Variants in GPATCH2L observed in about 807,000 individuals in gnomAD.
The protein encoded by GPATCH2L is G-patch domain containing 2 like.
Under a neutral mutation model 57.4 loss-of-function variants are expected in GPATCH2L, and 31 were observed. That is an observed-to-expected ratio of 0.54 (90% CI 0.41 to 0.73). The LOEUF (loss-of-function observed/expected upper bound fraction) is 0.73. Ranked by LOEUF, GPATCH2L falls within the 30% of genes least tolerant of loss-of-function variation. The pLI, the probability that GPATCH2L is intolerant of heterozygous loss-of-function variation, is 0.00. For missense variants in GPATCH2L, 481 were observed against 599.9 expected (o/e 0.80, Z 2.07); for synonymous variants, 199 against 210.7 (o/e 0.94, Z 0.48).
intron 2 of GPATCH2L, among the ~76,000 whole-genome samples, chr14:76,159,189 A>T (rs549165443): frequency 1.8e-4 from 28 of 152,310 alleles, no homozygotes; most frequent in Middle Eastern, 3.4e-3. Context: ...GATCCCTTGT[A>T]ACACTGAGAT....
chr14:76,164,438 C>T (rs969181474), intron 2 of GPATCH2L, among the ~76,000 whole-genome samples: 1 of 152,062 alleles, frequency 6.6e-6, no homozygotes, highest in African/African-American at 2.4e-5. Flanking sequence ...TGGATATTGC[C>T]AAATTGGGAC....
In GPATCH2L at chr14:76,173,612, G is replaced by T. The variant is rs974043625; in HGVS notation, c.971G>T (p.Arg324Met). ...CGATGCCTCAGAAAGGGGCGAAGAA[G>T]GCTGGTTGGGAAGGTGATACCTCTC... ...AARCLRKGRR[R>M]LVGKETSINT... Residue 324 changes from arginine to methionine, a missense_variant, in exon 5 of 10, where the codon AGG becomes ATG. Arg to Met is a moderately conservative substitution (Grantham distance 91, BLOSUM62 -1). Transcript: ENST00000261530. 1 of 1,607,778 alleles carries T rather than the reference G, an allele frequency of 6.2e-7. No individual in the cohort carries two copies.
Position 76,182,363 on chromosome 14 carries a change from GAAAAAAA to G in GPATCH2L, c.1193+1529_1193+1535del, listed in dbSNP as rs3059799. ...CAGAGCGAGACCCCGTCTCAGAAAA[GAAAAAAA>G]AAAAAAAAAAAAAAGAATGTTGAAC... On this transcript the variant is annotated intron_variant, in intron 8 of 9. Coordinates refer to ENST00000261530, the MANE Select transcript of GPATCH2L (RefSeq NM_017926.4). 1.6e-4 allele frequency among the ~76,000 whole-genome samples: 14 copies of G among 85,638 alleles called. No homozygotes were observed. In the South Asian group the frequency reaches 6.0e-3, roughly 37 times the overall value. 56.2% of individuals were successfully genotyped at this position (85,638 alleles called of 152,430 possible).
Position 76,180,745 on chromosome 14 carries a change from G to A in GPATCH2L, c.1108-19G>A, listed in dbSNP as rs186664243. On this transcript the variant is annotated intron_variant, in intron 7 of 9. Transcript: ENST00000261530. ...GTTTCATGTAAGCCTTACTAAAATA[G>A]TCTTATTCATTCCTGCAGTTCAATC... is the stretch of plus-strand genomic sequence containing the variant. 6.5e-6 allele frequency: 10 copies of A among 1,528,350 alleles called. No individual in the cohort carries two copies. In the Admixed American group the frequency reaches 1.0e-4, roughly 15 times the overall value. The allele number at this position is 1,528,350 out of a possible 1,614,324, so 94.7% of individuals were successfully genotyped here.
intron 8 of GPATCH2L, among the ~76,000 whole-genome samples, chr14:76,188,835 G>C (rs2039865919): frequency 6.6e-6 from 1 of 152,014 alleles, no homozygotes; most frequent in Admixed American, 6.6e-5. Context: ...TTCATAGTTT[G>C]AGATTTCAGA....
chr14:76,196,414 A>T (rs1277712260), intron 9 of GPATCH2L: 15 of 223,724 alleles, frequency 6.7e-5, no homozygotes, highest in Non-Finnish European at 1.1e-4. Context: ...ATTAAAAACA[A>T]TTTTTTAGGC....
intron 7 of GPATCH2L, chr14:76,179,257 A>G (rs1160886701): frequency 6.6e-6 from 1 of 152,238 alleles, no homozygotes; most frequent in East Asian, 1.9e-4. Flanking sequence ...TATAGTGTAC[A>G]TTGGAAAAGA....
intron 3 of GPATCH2L, among the ~76,000 whole-genome samples, chr14:76,169,408 T>TC (rs770445298): frequency 2.0e-5 from 3 of 152,330 alleles, no homozygotes; most frequent in Non-Finnish European, 2.9e-5. Context: ...CTCCTTTTTT[T>TC]CCCCCAAACA....
At chr14:76,228,488 C>T (rs2040546021) in intron 1 of GPATCH2L, among the ~76,000 whole-genome samples, 1 of 152,152 alleles carries the variant, frequency 6.6e-6, no homozygotes, top group Admixed American at 6.5e-5. Flanking sequence ...TCTAGGTTGT[C>T]GGTTTTCCAA....
rs566464794 is a variant in GPATCH2L at position 76,190,735 on chromosome 14, G to A, written c.1194-5143G>A. Among the ~76,000 whole-genome samples the A allele has an allele frequency of 8.1e-4, 123 of 152,120 alleles. 1 individual carries two copies. The highest frequency in any genetic ancestry group is 2.7e-3 in the African/African-American group (114 of 41,510). ...TAGATTTTTCAACTCAGTAATTTTC[G>A]AAGTAGGTAGGTGCTTATCAGAATT... is the stretch of plus-strand genomic sequence containing the variant. On this transcript the variant is annotated intron_variant, in intron 8 of 9. Transcript: ENST00000261530.
chr14:76,172,050 C>G (rs372751688), intron 4 of GPATCH2L, 31 bp downstream of exon 4: 11 of 1,456,068 alleles, frequency 7.6e-6, no homozygotes, highest in Non-Finnish European at 1.0e-5. Flanking sequence ...GAACTTAATG[C>G]TTTTATGGTT....
intron 2 of GPATCH2L, chr14:76,230,566 G>T (rs999329157): frequency 6.6e-6 from 1 of 152,094 alleles, no homozygotes; most frequent in African/African-American, 2.4e-5. Flanking sequence ...GTACTTGTTT[G>T]TTGGGAAGAA....
chr14:76,202,994 A>G lies in GPATCH2L; in HGVS notation c.*1143A>G, dbSNP rs1227995749. The G allele has an allele frequency of 1.3e-5, 2 of 152,030 alleles. No individual in the cohort carries two copies. The highest frequency in any genetic ancestry group is 4.8e-5 in the African/African-American group (2 of 41,366). 9.4% of individuals were successfully genotyped at this position (152,030 alleles called of 1,614,324 possible). A position where few individuals can be genotyped will look rare whatever the true frequency, so the allele number is the denominator to read the frequency against. On this transcript the variant is annotated 3_prime_UTR_variant, in exon 10 of 10. Coordinates refer to ENST00000261530, the MANE Select transcript of GPATCH2L (RefSeq NM_017926.4). ...ACAGAAGGGCTCTTTTTTTTATACCAATGAGTGCGTTTACTCTGAAATACA... is the reference window on the plus strand; with the variant it reads ...ACAGAAGGGCTCTTTTTTTTATACCGATGAGTGCGTTTACTCTGAAATACA...
intron 1 of GPATCH2L, among the ~76,000 whole-genome samples, chr14:76,227,594 C>T (rs965734803): frequency 6.6e-6 from 1 of 152,134 alleles, no homozygotes; most frequent in Non-Finnish European, 1.5e-5. Flanking sequence ...TTGTGAATTG[C>T]GTAACACGAA....
At chr14:76,229,525 A>T (rs1436002734) in intron 1 of GPATCH2L, among the ~76,000 whole-genome samples, 2 of 152,124 alleles carry the variant, frequency 1.3e-5, no homozygotes, top group African/African-American at 4.8e-5. Flanking sequence ...TTTTTCTCGC[A>T]TTAGTCCCTC....
intron 1 of GPATCH2L, among the ~76,000 whole-genome samples, chr14:76,227,287 C>A (rs536203561): frequency 6.6e-6 from 1 of 152,190 alleles, no homozygotes; most frequent in South Asian, 2.1e-4. Flanking sequence ...ACTCACCCTC[C>A]TACACGATAT....
Position 76,204,138 on chromosome 14 carries a change from T to A in GPATCH2L, c.*2287T>A, listed in dbSNP as rs1426512993. ...CCAAATCACATAACTAAGCCAGGAC[T>A]AGAATCCCAGACTTTCAGATTTTCT... On this transcript the variant is annotated 3_prime_UTR_variant, in exon 10 of 10. Transcript: ENST00000261530. 6.6e-6 allele frequency: 1 copy of A among 152,210 alleles called. No individual in the cohort carries two copies. Among genetic ancestry groups the A allele is most frequent in the Non-Finnish European group, 1.5e-5 (1 of 68,038 alleles). The allele number at this position is 152,210 out of a possible 1,614,324, so 9.4% of individuals were successfully genotyped here.
In GPATCH2L at chr14:76,154,068, C is replaced by T. The variant is rs780142384; in HGVS notation, c.-10-286C>T. Reference sequence around the variant, plus strand: ...CTAGTCCCCCGAATTTGTTTTGGGTCCTGTCCCAGTTGTCTTCTGGTTAGT... The same window carrying T: ...CTAGTCCCCCGAATTTGTTTTGGGTTCTGTCCCAGTTGTCTTCTGGTTAGT... On this transcript the variant is annotated intron_variant, in intron 1 of 9. Coordinates refer to ENST00000261530, the MANE Select transcript of GPATCH2L (RefSeq NM_017926.4). The surrounding 1 kb of genome is among the most constrained non-coding windows in gnomAD (Gnocchi z 4.4). 17 of 265,634 alleles carry T rather than the reference C, an allele frequency of 6.4e-5. No homozygotes were observed. The highest frequency in any genetic ancestry group is 1.1e-4 in the Non-Finnish European group (15 of 140,998). 16.5% of individuals were successfully genotyped at this position (265,634 alleles called of 1,614,324 possible).
chr14:76,152,819 T>C, intron 1 of GPATCH2L: 1 of 453,806 alleles, frequency 2.2e-6, no homozygotes, highest in Non-Finnish European at 4.4e-6. Flanking sequence ...GTTGCCTGAG[T>C]TTTTAAAGCA....
Sources: allele counts gnomAD v4.1 joint callset (sites outside exome capture counted in the v4.1 genomes callset), GRCh38; gene constraint gnomAD v4.1.1; non-coding constraint Gnocchi (gnomAD v3.1); transcripts MANE v1.5; gene names NCBI Gene and HGNC (gene_info 2026-07-23, HGNC 2026-07-21).